MLLT10: variants seen among roughly 807,000 people sequenced by gnomAD.
MLLT10 encodes protein AF-10.
A neutral mutation model predicts 129.1 loss-of-function variants in MLLT10; 30 were observed. The observed-to-expected ratio is 0.23, with a 90% CI of 0.17 to 0.32. The LOEUF is 0.32. Among genes scored for constraint, MLLT10 ranks in the 10% least tolerant of loss-of-function variants. The pLI, the probability that MLLT10 is intolerant of heterozygous loss-of-function variation, is 1.00. For missense variants in MLLT10, 1,119 were observed against 1,268.3 expected (o/e 0.88, Z 1.79); for synonymous variants, 490 against 446.4 (o/e 1.10, Z -1.23).
intron 9 of MLLT10, among the ~76,000 whole-genome samples, chr10:21,654,394 C>T (rs2049348219): frequency 6.6e-6 from 1 of 152,056 alleles, no homozygotes; most frequent in Non-Finnish European, 1.5e-5. Context: ...ACAGTGATGT[C>T]CCCTAGAATA....
chr10:21,658,679 A>G (rs2049858547), intron 9 of MLLT10, among the ~76,000 whole-genome samples: 1 of 151,978 alleles, frequency 6.6e-6, no homozygotes, highest in Admixed American at 6.6e-5. Flanking sequence ...CTTTTTTTGT[A>G]TGTGTGACGG....
At chr10:21,566,328 C>T (rs1278369168) in intron 3 of MLLT10, among the ~76,000 whole-genome samples, 1 of 150,766 alleles carries the variant, frequency 6.6e-6, no homozygotes, top group African/African-American at 2.4e-5. Flanking sequence ...CAGACTCCCC[C>T]CCACCCCCTT....
rs538272099 is a variant in MLLT10 at position 21,639,637 on chromosome 10, C to T, written c.700-12036C>T. Among the ~76,000 whole-genome samples, 152 of 152,212 alleles carry T rather than the reference C, an allele frequency of 1.0e-3. No homozygotes were observed. In the South Asian group the frequency reaches 0.016, roughly 16 times the overall value. On this transcript the variant is annotated intron_variant, in intron 8 of 22. Coordinates refer to ENST00000307729, the MANE Select transcript of MLLT10 (RefSeq NM_001195626.3). ...ACAGGCATGACTGAAGCATGGACAC[C>T]TGTGTAGAAATGTGATTGGACAAAG...
At chr10:21,625,953 C>T in intron 8 of MLLT10, 1 of 815,560 alleles carries the variant, frequency 1.2e-6, no homozygotes, top group South Asian at 1.3e-5. Flanking sequence ...ACCTCTGTTC[C>T]AATTCTAGGT....
chr10:21,726,160 A>G, intron 14 of MLLT10, 84 bp from the exon 15 acceptor site: 6 of 894,698 alleles, frequency 6.7e-6, no homozygotes, highest in Non-Finnish European at 1.0e-5. Context: ...GTTGGAGAAT[A>G]TAATTACTAG....
At chr10:21,592,548 C>CG (rs1030700754) in intron 4 of MLLT10, among the ~76,000 whole-genome samples, 6 of 152,148 alleles carry the variant, frequency 3.9e-5, no homozygotes, top group Admixed American at 2.6e-4. Flanking sequence ...CTCCACCCCC[C>CG]GGGGTTCACG....
intron 2 of MLLT10, among the ~76,000 whole-genome samples, chr10:21,537,705 G>A (rs1247479000): frequency 1.3e-5 from 2 of 152,062 alleles, no homozygotes; most frequent in African/African-American, 4.8e-5. Flanking sequence ...CTGACCTCAG[G>A]TGATCCTCCT....
intron 8 of MLLT10, among the ~76,000 whole-genome samples, chr10:21,627,040 A>G (rs1242907231): frequency 6.7e-6 from 1 of 149,488 alleles, no homozygotes; most frequent in African/African-American, 2.4e-5. Context: ...AGTAGGATTA[A>G]TTTTTTTTTT....
chr10:21,541,531 A>G (rs1276328424), intron 3 of MLLT10, among the ~76,000 whole-genome samples: 2 of 152,128 alleles, frequency 1.3e-5, no homozygotes, highest in Admixed American at 1.3e-4. Flanking sequence ...GACTACAGAC[A>G]TGCGCCACCA....
chr10:21,734,428 A>G (rs557362352), intron 20 of MLLT10, among the ~76,000 whole-genome samples: 2 of 152,318 alleles, frequency 1.3e-5, no homozygotes, highest in South Asian at 2.1e-4. Flanking sequence ...TAAATTCTGA[A>G]GAAAGATATC....
intron 4 of MLLT10, among the ~76,000 whole-genome samples, chr10:21,593,555 T>G (rs1218443825): frequency 6.6e-6 from 1 of 152,190 alleles, no homozygotes; most frequent in African/African-American, 2.4e-5. Context: ...TTTGATTTTC[T>G]TATTTCTCCT....
chr10:21,548,634 G>T (rs1024285706), intron 3 of MLLT10, among the ~76,000 whole-genome samples: 2 of 152,098 alleles, frequency 1.3e-5, no homozygotes, highest in African/African-American at 4.8e-5. Flanking sequence ...CTCCCAAAAT[G>T]CTGGGATCAC....
chr10:21,598,132 T>TCATCAGTTGA (rs2043186726), intron 5 of MLLT10, among the ~76,000 whole-genome samples: 1 of 152,244 alleles, frequency 6.6e-6, no homozygotes, highest in African/African-American at 2.4e-5. Flanking sequence ...TCTTTTACAT[T>TCATCAGTTGA]CATCAGTTGA....
intron 3 of MLLT10, among the ~76,000 whole-genome samples, chr10:21,543,078 C>T (rs2035466936): frequency 6.6e-6 from 1 of 151,744 alleles, no homozygotes; most frequent in Non-Finnish European, 1.5e-5. Flanking sequence ...CCTGCCTCAG[C>T]CTCCGGAGTA....
chr10:21,740,153 G>A lies in MLLT10; in HGVS notation c.3079G>A (p.Gly1027Ser), dbSNP rs746889148. 6.2e-6 allele frequency: 10 copies of A among 1,614,124 alleles called. No homozygotes were observed. Among genetic ancestry groups the A allele is most frequent in the Non-Finnish European group, 8.5e-6 (10 of 1,180,024 alleles). Residue 1027 changes from glycine to serine, a missense_variant, in exon 22 of 23, where the codon GGT becomes AGT. Physicochemically the swap from Gly to Ser is moderately conservative, Grantham distance 56 (BLOSUM62 0). Around this residue, in one of 5 missense-constraint regions of MLLT10, gnomAD observed 1,004 missense variants for 1,008.7 expected, o/e 1.00. Transcript: ENST00000307729. ...AATACCCATAAACAACCTTCTTGCA[G>A]GTACACAGGCACCCCCACTTCACAC... is the stretch of plus-strand genomic sequence containing the variant. ...TQIPINNLLA[G>S]TQAPPLHTAT... is the part of the protein sequence containing the mutation.
At chr10:21,604,983 G>A (rs1396779147) in intron 5 of MLLT10, among the ~76,000 whole-genome samples, 5 of 150,794 alleles carry the variant, frequency 3.3e-5, no homozygotes, top group African/African-American at 4.9e-5. Flanking sequence ...TAAGGCAGGA[G>A]TATTATTTGA....
intron 3 of MLLT10, among the ~76,000 whole-genome samples, chr10:21,579,801 G>A (rs1425338530): frequency 6.6e-6 from 1 of 151,754 alleles, no homozygotes; most frequent in Non-Finnish European, 1.5e-5. Context: ...GAGCTCAGGT[G>A]ACCCACCCAC....
chr10:21,738,324 G>A, intron 21 of MLLT10: 1 of 1,047,606 alleles, frequency 9.5e-7, no homozygotes, highest in Non-Finnish European at 1.3e-6. Flanking sequence ...TTTCTTACCA[G>A]TTGCCTCATC....
At chr10:21,587,423 CAAAAAA>C (rs35976402) in intron 4 of MLLT10, among the ~76,000 whole-genome samples, 1 of 42,346 alleles carries the variant, frequency 2.4e-5, no homozygotes, top group Non-Finnish European at 4.6e-5. Context: ...GACCCTGCCT[CAAAAAA>C]AAAAAAAAAA....
Sources: gnomAD v4.1 joint callset for allele counts (sites outside exome capture counted in the v4.1 genomes callset) on GRCh38, gnomAD v4.1.1 for gene constraint, gnomAD v4.1.1 regional missense constraint, MANE v1.5 for transcripts, NCBI Gene and HGNC (gene_info 2026-07-23, HGNC 2026-07-21) for gene names.